CCDC85A: variants seen among roughly 807,000 people sequenced by gnomAD.
The protein encoded by CCDC85A is coiled-coil domain-containing protein 85A.
CCDC85A carries 38 observed loss-of-function variants against 50.2 expected under a neutral mutation model. The observed-to-expected ratio is 0.76, with a 90% confidence interval of 0.58 to 0.99. CCDC85A has a LOEUF of 0.99. Among genes scored for constraint, CCDC85A ranks in the 50% least tolerant of loss-of-function variants. The probability of loss-of-function intolerance (pLI) is 0.00; values close to 1 mark genes in which losing one functional copy is unlikely to be tolerated. For missense variants in CCDC85A, 820 were observed against 742.0 expected, an observed-to-expected ratio of 1.11 and a Z score of -1.22; for synonymous variants, 366 against 301.4, an observed-to-expected ratio of 1.21 and a Z score of -2.22.
chr2:56,237,117 C>G (rs971790156), intron 2 of CCDC85A, among the ~76,000 whole-genome samples: 2 of 152,170 alleles, frequency 1.3e-5, no homozygotes, highest in Non-Finnish European at 2.9e-5. Flanking sequence ...GGGATTCTCT[C>G]TGAGGATAGA....
intron 2 of CCDC85A, among the ~76,000 whole-genome samples, chr2:56,336,820 A>G (rs1316359444): frequency 6.6e-6 from 1 of 152,228 alleles, no homozygotes; most frequent in African/African-American, 2.4e-5. Flanking sequence ...TCAAGTCAAG[A>G]ATATTGTCTG....
At chr2:56,286,410 T>C (rs1223338632) in intron 2 of CCDC85A, among the ~76,000 whole-genome samples, 1 of 152,172 alleles carries the variant, frequency 6.6e-6, no homozygotes, top group Non-Finnish European at 1.5e-5. Context: ...TAAAAAATTT[T>C]TTTAAAATGC....
chr2:56,365,623 T>TA (rs903537706), intron 3 of CCDC85A, among the ~76,000 whole-genome samples: 1 of 152,176 alleles, frequency 6.6e-6, no homozygotes, highest in African/African-American at 2.4e-5. Context: ...TTAGTATCTT[T>TA]AAAAAAACTT....
intron 5 of CCDC85A, among the ~76,000 whole-genome samples, chr2:56,380,062 C>A (rs1676512824): frequency 6.6e-6 from 1 of 151,952 alleles, no homozygotes; most frequent in Admixed American, 6.6e-5. Flanking sequence ...GATGATCAGC[C>A]AATTCTGTAT....
At chr2:56,309,685 T>G (rs1327339630) in intron 2 of CCDC85A, among the ~76,000 whole-genome samples, 1 of 152,140 alleles carries the variant, frequency 6.6e-6, no homozygotes, top group East Asian at 1.9e-4. Context: ...GGAAGGTTTT[T>G]GAACAAATTA....
chr2:56,254,978 A>G (rs541176344), intron 2 of CCDC85A, among the ~76,000 whole-genome samples: 5 of 152,172 alleles, frequency 3.3e-5, no homozygotes, highest in Non-Finnish European at 7.4e-5. Context: ...CACTACATGA[A>G]TGATGTAGCT....
intron 2 of CCDC85A, among the ~76,000 whole-genome samples, chr2:56,311,709 T>C (rs1396685576): frequency 6.6e-6 from 1 of 152,174 alleles, no homozygotes; most frequent in Non-Finnish European, 1.5e-5. Context: ...AATTTATCTT[T>C]ATAATAATTC....
intron 2 of CCDC85A, among the ~76,000 whole-genome samples, chr2:56,303,858 T>C (rs1170234652): frequency 6.6e-6 from 1 of 152,158 alleles, no homozygotes; most frequent in Non-Finnish European, 1.5e-5. Context: ...TGTTGGTTGA[T>C]GTGAGTGTCT....
At chr2:56,229,273 A>G (rs1668679840) in intron 2 of CCDC85A, among the ~76,000 whole-genome samples, 1 of 152,210 alleles carries the variant, frequency 6.6e-6, no homozygotes, top group Non-Finnish European at 1.5e-5. Flanking sequence ...ATTATACGTG[A>G]TTAAGACGTA....
At chr2:56,285,833 T>G (rs1671419053) in intron 2 of CCDC85A, among the ~76,000 whole-genome samples, 1 of 152,080 alleles carries the variant, frequency 6.6e-6, no homozygotes, top group Non-Finnish European at 1.5e-5. Context: ...GTTCTTTGCT[T>G]CCTATGTGTG....
chr2:56,205,422 T>C (rs1676921088), intron 2 of CCDC85A, among the ~76,000 whole-genome samples: 1 of 151,920 alleles, frequency 6.6e-6, no homozygotes, highest in African/African-American at 2.4e-5. Context: ...GAAGGTAGCA[T>C]TAACTGAAGG....
intron 3 of CCDC85A, among the ~76,000 whole-genome samples, chr2:56,360,371 G>C (rs1320264588): frequency 6.6e-6 from 1 of 152,180 alleles, no homozygotes; most frequent in Non-Finnish European, 1.5e-5. Flanking sequence ...GTCAGGCAGT[G>C]AGTGATTAAT....
At position 56,192,570 on chromosome 2, in the gene CCDC85A, C is replaced by A. The variant is rs370983445; in HGVS notation, c.370C>A (p.Arg124=). 1.9e-6 allele frequency: 3 copies of A among 1,613,880 alleles called. No individual in the cohort carries two copies. The highest frequency in any genetic ancestry group is 2.5e-6 in the Non-Finnish European group (3 of 1,179,868). Residue 124 remains arginine, a synonymous_variant, in exon 2 of 6, where the codon CGG becomes AGG. Transcript: ENST00000407595. This position sits in a 1 kb window ranked among gnomAD's most constrained non-coding sequence, Gnocchi z 4.7. ...DDRQKGKRVS[R]EWQRLGRYTA... is the part of the protein sequence containing the mutation. ...CCGGCAGAAAGGCAAGAGGGTGTCT[C>A]GGGAGTGGCAGAGACTGGGTCGCTA...
At chr2:56,306,610 T>C (rs1672459444) in intron 2 of CCDC85A, among the ~76,000 whole-genome samples, 1 of 152,220 alleles carries the variant, frequency 6.6e-6, no homozygotes, top group South Asian at 2.1e-4. Flanking sequence ...GTCATATGAG[T>C]ATAAATTATA....
intron 2 of CCDC85A, among the ~76,000 whole-genome samples, chr2:56,276,658 A>G (rs1670961323): frequency 6.6e-6 from 1 of 152,180 alleles, no homozygotes; most frequent in South Asian, 2.1e-4. Flanking sequence ...TGTAAGTCCA[A>G]TAAACCTCTT....
intron 2 of CCDC85A, among the ~76,000 whole-genome samples, chr2:56,328,893 G>A (rs1368615057): frequency 6.6e-6 from 1 of 151,976 alleles, no homozygotes; most frequent in African/African-American, 2.4e-5. Flanking sequence ...TCTCATTCTT[G>A]TTTCTTTTCT....
chr2:56,223,999 A>G (rs1668438825), intron 2 of CCDC85A, among the ~76,000 whole-genome samples: 1 of 152,200 alleles, frequency 6.6e-6, no homozygotes, highest in Non-Finnish European at 1.5e-5. Flanking sequence ...TAAAGTGTAC[A>G]GTCCAATGGC....
chr2:56,217,217 G>A (rs146211980), intron 2 of CCDC85A, among the ~76,000 whole-genome samples: 2 of 152,018 alleles, frequency 1.3e-5, no homozygotes, highest in East Asian at 3.9e-4. Flanking sequence ...AATGATCACA[G>A]TCCCTGTGAT....
chr2:56,192,737 C>T lies in CCDC85A; in HGVS notation c.537C>T (p.Gly179=), dbSNP rs758898244. 31 of 1,613,448 alleles carry T rather than the reference C, an allele frequency of 1.9e-5. No individual in the cohort carries two copies. Among genetic ancestry groups the T allele is most frequent in the Non-Finnish European group, 2.6e-5 (31 of 1,179,818 alleles). Residue 179 remains glycine, a synonymous_variant, in exon 2 of 6, where the codon GGC becomes GGT. Transcript: ENST00000407595. This position sits in a 1 kb window ranked among gnomAD's most constrained non-coding sequence, Gnocchi z 4.7. ...CVLLDEEKGA[G]CAGSRCSIDS... is the part of the protein sequence containing the mutation. The stretch of plus-strand genomic sequence containing the variant: ...TACTAGATGAGGAGAAGGGTGCAGG[C>T]TGCGCAGGCAGCCGCTGCTCCATCG...
Sources: allele counts gnomAD v4.1 joint callset (sites outside exome capture counted in the v4.1 genomes callset), GRCh38; gene constraint gnomAD v4.1.1; non-coding constraint Gnocchi (gnomAD v3.1); transcripts MANE v1.5; gene names NCBI Gene and HGNC (gene_info 2026-07-23, HGNC 2026-07-21).